Variants in PCDH19 observed in about 807,000 individuals in gnomAD.
The protein encoded by PCDH19 is protocadherin 19.
In PCDH19, 6 loss-of-function variants were observed where a neutral mutation model predicts 46.2. That is an observed-to-expected ratio of 0.13 (90% CI 0.07 to 0.26). PCDH19 has a LOEUF of 0.26. PCDH19 is among the 10% of genes least tolerant of loss of function. PCDH19 has a pLI of 1.00. For missense variants in PCDH19, 740 were observed against 972.3 expected, an observed-to-expected ratio of 0.76 and a Z score of 3.18; for synonymous variants, 481 against 415.7, an observed-to-expected ratio of 1.16 and a Z score of -1.91.
chrX:100,405,143 G>A (rs1300496212), intron 1 of PCDH19, among the ~76,000 whole-genome samples: 1 of 112,087 alleles, frequency 8.9e-6, no homozygotes, highest in African/African-American at 3.2e-5. Flanking sequence ...ATATTCAGGG[G>A]GCTCTGATTC....
chrX:100,393,203 T>A (rs1416702543), intron 3 of PCDH19, among the ~76,000 whole-genome samples: 1 of 109,835 alleles, frequency 9.1e-6, no homozygotes, highest in African/African-American at 3.3e-5. Context: ...ATCCTTGAGC[T>A]ATATCAAATT....
rs143905133 is a variant in PCDH19 at position 100,388,007 on chromosome X, G to A, written c.2616+14517C>T. Among the ~76,000 whole-genome samples, 439 of 110,942 alleles carry A rather than the reference G, an allele frequency of 4.0e-3. 1 individual carries two copies. The highest frequency in any genetic ancestry group is 0.013 in the African/African-American group (406 of 30,649). On this transcript the variant is annotated intron_variant, in intron 3 of 5. Coordinates refer to ENST00000373034, the MANE Select transcript of PCDH19 (RefSeq NM_001184880.2). ...CTTAATACCTACTGCATAGTATTAC[G>A]GTTAATTTAAGTAATTGCTTTTCTG...
At chrX:100,301,232 T>A (rs1924771182) in intron 5 of PCDH19, among the ~76,000 whole-genome samples, 2 of 111,378 alleles carry the variant, frequency 1.8e-5, no homozygotes, top group Non-Finnish European at 3.8e-5. Flanking sequence ...ACTTTCCAAG[T>A]CCTGGTGGAA....
At position 100,406,874 on chromosome X, in the gene PCDH19, A is replaced by ACCT; in HGVS notation, c.1721_1723dup (p.Glu574dup). 1 of 1,211,245 alleles carries ACCT rather than the reference A, an allele frequency of 8.3e-7. No individual in the cohort carries two copies. Among genetic ancestry groups the ACCT allele is most frequent in the Non-Finnish European group, 1.1e-6 (1 of 895,388 alleles). ...TATGCCAGAGTTGCGGGGTATGTAG[A>ACCT]CCTCGGCAGTGCCGTTAATCAGAGG... On this transcript the variant is annotated inframe_insertion, in exon 1 of 6. Transcript: ENST00000373034.
At chrX:100,352,015 C>T (rs960249814) in intron 3 of PCDH19, among the ~76,000 whole-genome samples, 1 of 112,509 alleles carries the variant, frequency 8.9e-6, no homozygotes, top group African/African-American at 3.2e-5. Flanking sequence ...TAAACCCCAA[C>T]ATTGCCCTGC....
At chrX:100,320,081 A>C (rs1339390882) in intron 5 of PCDH19, among the ~76,000 whole-genome samples, 1 of 111,408 alleles carries the variant, frequency 9.0e-6, no homozygotes, top group African/African-American at 3.3e-5. Flanking sequence ...CCAATGTCTC[A>C]CCCTCATTCC....
intron 3 of PCDH19, among the ~76,000 whole-genome samples, chrX:100,361,244 G>A (rs1192956056): frequency 8.9e-6 from 1 of 112,067 alleles, no homozygotes; most frequent in South Asian, 3.7e-4. Context: ...ATGTCTAACT[G>A]CCTATTATAA....
chrX:100,373,937 CT>C (rs1927298280), intron 3 of PCDH19, among the ~76,000 whole-genome samples: 2 of 112,129 alleles, frequency 1.8e-5, no homozygotes, highest in African/African-American at 6.5e-5. Flanking sequence ...TTTTTAACTA[CT>C]TTTTTTCAGT....
At chrX:100,326,525 GC>G (rs1454583067) in intron 5 of PCDH19, among the ~76,000 whole-genome samples, 1 of 111,673 alleles carries the variant, frequency 9.0e-6, no homozygotes, top group Admixed American at 9.5e-5. Context: ...GAACCGTGAA[GC>G]AAGAGAGGGA....
At chrX:100,298,986 T>C (rs1273503734) in intron 5 of PCDH19, among the ~76,000 whole-genome samples, 1 of 111,526 alleles carries the variant, frequency 9.0e-6, no homozygotes, top group Non-Finnish European at 1.9e-5. Context: ...TCTGGTAACT[T>C]TCCAAATAAT....
intron 5 of PCDH19, among the ~76,000 whole-genome samples, chrX:100,301,614 G>A (rs1282119920): frequency 9.0e-6 from 1 of 111,682 alleles, no homozygotes; most frequent in African/African-American, 3.3e-5. Context: ...AGTTTATTCT[G>A]CATCACCTCA....
intron 4 of PCDH19, among the ~76,000 whole-genome samples, chrX:100,350,288 AAAT>A (rs1045684289): frequency 4.5e-5 from 5 of 111,900 alleles, no homozygotes; most frequent in East Asian, 2.8e-4. Context: ...GAAATATTAG[AAAT>A]AATATTAGAA....
chrX:100,406,767 C>G lies in PCDH19; in HGVS notation c.1831G>C (p.Asp611His), dbSNP rs1361535008. ...TGGTCTATTTCAAAGAAGCCGCGGT[C>G]GCCCTCGGTCATGTCGTAGGTGACT... ...GRVTYDMTEG[D>H]RGFFEIDQVN... The change falls in exon 1 of 6, where the codon GAC becomes CAC. Residue 611 changes from aspartate (D) to histidine (H), a missense_variant. By Grantham distance (81) the Asp-to-His change is moderately conservative. This residue lies in a region of PCDH19 where 416 missense variants were observed against 476.8 expected (regional missense o/e 0.87). Coordinates refer to ENST00000373034, the MANE Select transcript of PCDH19 (RefSeq NM_001184880.2). 2 of 1,211,634 alleles carry G rather than the reference C, an allele frequency of 1.7e-6. No homozygotes were observed. The highest frequency in any genetic ancestry group is 2.2e-5 in the Admixed American group (1 of 46,057).
chrX:100,317,303 C>T (rs1371727413), intron 5 of PCDH19, among the ~76,000 whole-genome samples: 3 of 112,099 alleles, frequency 2.7e-5, no homozygotes, highest in Non-Finnish European at 5.6e-5. Context: ...GAAAATCATG[C>T]AAAGCACAGA....
chrX:100,297,019 G>T (rs1924637678), intron 5 of PCDH19, 144 bp from the exon 6 acceptor site: 1 of 533,476 alleles, frequency 1.9e-6, no homozygotes, highest in African/African-American at 2.3e-5. Flanking sequence ...TTTGGGACAA[G>T]TGTGAAGAAC....
intron 3 of PCDH19, among the ~76,000 whole-genome samples, chrX:100,399,160 A>C (rs1417274415): frequency 8.9e-6 from 1 of 112,091 alleles, no homozygotes; most frequent in Non-Finnish European, 1.9e-5. Flanking sequence ...AATATAAAGA[A>C]CAATGTAAGT....
intron 5 of PCDH19, among the ~76,000 whole-genome samples, chrX:100,311,384 T>C (rs1205059616): frequency 4.5e-5 from 5 of 111,104 alleles, no homozygotes; most frequent in Non-Finnish European, 9.4e-5. Flanking sequence ...CCTTTTCTAA[T>C]GAAAACTTAC....
intron 5 of PCDH19, among the ~76,000 whole-genome samples, chrX:100,340,676 A>G (rs985311313): frequency 5.4e-5 from 6 of 112,103 alleles, no homozygotes; most frequent in African/African-American, 1.9e-4. Context: ...TATATAATAG[A>G]CTTTGACACT....
At chrX:100,369,300 A>G (rs1361307227) in intron 3 of PCDH19, among the ~76,000 whole-genome samples, 1 of 111,646 alleles carries the variant, frequency 9.0e-6, no homozygotes, top group African/African-American at 3.3e-5. Context: ...GGAAGACAGC[A>G]TAACAGCCAT....
Sources: allele counts gnomAD v4.1 joint callset (sites outside exome capture counted in the v4.1 genomes callset), GRCh38; gene constraint gnomAD v4.1.1; regional missense constraint gnomAD v4.1.1; transcripts MANE v1.5; gene names NCBI Gene and HGNC (gene_info 2026-07-23, HGNC 2026-07-21).